Variants in FUT9 observed in about 807,000 individuals in gnomAD.
FUT9 encodes fucosyltransferase 9.
A neutral mutation model predicts 29.7 loss-of-function variants in FUT9; 15 were observed. The observed-to-expected ratio is 0.51, with a 90% CI of 0.34 to 0.78. The LOEUF (loss-of-function observed/expected upper bound fraction) is 0.78, where lower values mean the gene tolerates loss of function less well. Among genes scored for constraint, FUT9 ranks in the 30% least tolerant of loss-of-function variants. FUT9 has a pLI of 0.01. For synonymous variants in FUT9, 169 were observed against 153.7 expected (o/e 1.10, Z -0.74); for missense variants, 319 against 425.4 (o/e 0.75, Z 2.20).
At chr6:96,196,921 T>C (rs1773638029) in intron 2 of FUT9, among the ~76,000 whole-genome samples, 1 of 152,212 alleles carries the variant, frequency 6.6e-6, no homozygotes, top group Middle Eastern at 3.4e-3. Context: ...AAAGTTGTAG[T>C]AATATTTTTA....
intron 1 of FUT9, chr6:96,036,567 TC>T (rs1235396187): frequency 6.6e-6 from 1 of 151,884 alleles, no homozygotes; most frequent in African/African-American, 2.4e-5. Context: ...GGTGGTAACT[TC>T]CCCATAACAT....
chr6:96,083,024 TTC>T (rs1476954364), intron 1 of FUT9, among the ~76,000 whole-genome samples: 1 of 151,994 alleles, frequency 6.6e-6, no homozygotes, highest in Non-Finnish European at 1.5e-5. Context: ...TTTAACTGGG[TTC>T]TCTGTTTTAC....
intron 1 of FUT9, among the ~76,000 whole-genome samples, chr6:96,055,205 G>T (rs1562109984): frequency 1.3e-5 from 2 of 152,012 alleles, no homozygotes; most frequent in East Asian, 3.9e-4. Flanking sequence ...ATTTAATAAT[G>T]AAAACATTTA....
At chr6:96,166,202 G>A (rs1474254347) in intron 2 of FUT9, among the ~76,000 whole-genome samples, 2 of 151,668 alleles carry the variant, frequency 1.3e-5, no homozygotes, top group Non-Finnish European at 2.9e-5. Flanking sequence ...ATTAAAGAAC[G>A]TCATATAAGT....
chr6:96,036,466 T>C (rs1027131809), intron 1 of FUT9, among the ~76,000 whole-genome samples: 1 of 151,888 alleles, frequency 6.6e-6, no homozygotes, highest in East Asian at 1.9e-4. Context: ...AAATGCTAAG[T>C]AATTCACATA....
chr6:96,100,684 G>A (rs532029866), intron 1 of FUT9, among the ~76,000 whole-genome samples: 13 of 152,290 alleles, frequency 8.5e-5, no homozygotes, highest in East Asian at 3.9e-4. Context: ...GAAGACGCAG[G>A]TTAGAATTTG....
chr6:96,037,602 T>G (rs1770385653), intron 1 of FUT9, among the ~76,000 whole-genome samples: 1 of 152,018 alleles, frequency 6.6e-6, no homozygotes, highest in Non-Finnish European at 1.5e-5. Context: ...AAAAATGGAA[T>G]TTAAAGATTA....
Position 96,113,827 on chromosome 6 carries a change from CT to C in FUT9, c.-97-211del, listed in dbSNP as rs542841711. ...CGAGATCATGCCACTGCACTCCAGC[CT>C]GGGCCACAGAGCGAGACTCCATCTC... On this transcript the variant is annotated intron_variant, in intron 1 of 2. Coordinates refer to ENST00000302103, the MANE Select transcript of FUT9 (RefSeq NM_006581.4). Among the ~76,000 whole-genome samples the C allele has an allele frequency of 2.4e-3, 351 of 147,790 alleles. 1 individual carries two copies. The highest frequency in any genetic ancestry group is 8.5e-3 in the African/African-American group (343 of 40,200).
At chr6:96,087,568 T>A (rs898221098) in intron 1 of FUT9, among the ~76,000 whole-genome samples, 2 of 152,004 alleles carry the variant, frequency 1.3e-5, no homozygotes, top group Non-Finnish European at 2.9e-5. Context: ...GGTTTCACCA[T>A]GTTGGTCAGG....
chr6:96,024,654 C>T (rs1349701680), intron 1 of FUT9, among the ~76,000 whole-genome samples: 1 of 151,716 alleles, frequency 6.6e-6, no homozygotes, highest in African/African-American at 2.4e-5. Context: ...GGGGCATTAG[C>T]TGCCGCAATA....
intron 2 of FUT9, among the ~76,000 whole-genome samples, chr6:96,176,362 A>G (rs1489236494): frequency 3.3e-5 from 5 of 151,548 alleles, no homozygotes; most frequent in African/African-American, 1.2e-4. Context: ...GATATATAAT[A>G]TATGTTATAT....
intron 2 of FUT9, among the ~76,000 whole-genome samples, chr6:96,165,729 C>A (rs374942320): frequency 6.6e-6 from 1 of 152,050 alleles, no homozygotes; most frequent in East Asian, 2.0e-4. Context: ...CATTCTTGTG[C>A]CTCAGCCTCC....
rs571195227 is a variant in FUT9, at chr6:96,135,254, A to G, written c.-9+21127A>G. Among the ~76,000 whole-genome samples, 6 of 152,112 alleles carry G rather than the reference A, an allele frequency of 3.9e-5. No individual in the cohort carries two copies. In the South Asian group the frequency reaches 1.2e-3, roughly 31 times the overall value. ...GTATATGTACAGTACATACTTATCT[A>G]TAAACACACACATACATGAGGGACA... On this transcript the variant is annotated intron_variant, in intron 2 of 2. Transcript: ENST00000302103.
intron 2 of FUT9, among the ~76,000 whole-genome samples, chr6:96,191,441 T>C (rs1256926312): frequency 6.6e-6 from 1 of 152,140 alleles, no homozygotes; most frequent in African/African-American, 2.4e-5. Flanking sequence ...AATCAGAGAA[T>C]GCTATAAACA....
At chr6:96,145,654 A>G (rs2127974734) in intron 2 of FUT9, among the ~76,000 whole-genome samples, 1 of 152,252 alleles carries the variant, frequency 6.6e-6, no homozygotes, top group South Asian at 2.1e-4. Context: ...ATTTGAATGA[A>G]GTGAAGGAGC....
intron 2 of FUT9, among the ~76,000 whole-genome samples, chr6:96,196,635 C>T (rs1773631556): frequency 6.6e-6 from 1 of 152,004 alleles, no homozygotes; most frequent in Admixed American, 6.6e-5. Flanking sequence ...TCGTTTGAAC[C>T]CGGAAGGCAG....
intron 1 of FUT9, among the ~76,000 whole-genome samples, chr6:96,041,811 T>G (rs753501): frequency 6.6e-6 from 1 of 152,194 alleles, no homozygotes; most frequent in Admixed American, 6.5e-5. Flanking sequence ...AGTCTCCTCT[T>G]GTTACGGCCT....
At chr6:96,152,658 C>T (rs1306357825) in intron 2 of FUT9, among the ~76,000 whole-genome samples, 2 of 152,166 alleles carry the variant, frequency 1.3e-5, no homozygotes, top group Non-Finnish European at 2.9e-5. Context: ...TTAGGACTTA[C>T]TTAAGTGCCT....
intron 1 of FUT9, among the ~76,000 whole-genome samples, chr6:96,067,401 A>G (rs1372058737): frequency 9.4e-6 from 1 of 106,938 alleles, no homozygotes; most frequent in Non-Finnish European, 2.1e-5. Flanking sequence ...CCTGTATGAA[A>G]CAGAAAGATT....
Sources: allele counts gnomAD v4.1 joint callset (sites outside exome capture counted in the v4.1 genomes callset), GRCh38; gene constraint gnomAD v4.1.1; transcripts MANE v1.5; gene names NCBI Gene and HGNC (gene_info 2026-07-23, HGNC 2026-07-21).